Variants in NFX1 observed in about 807,000 individuals in gnomAD.
The protein encoded by NFX1 is transcriptional repressor NF-X1.
In NFX1, 69 loss-of-function variants were observed where a neutral mutation model predicts 137.2. The observed-to-expected ratio is 0.50, with a 90% confidence interval of 0.41 to 0.61. The LOEUF is 0.61. NFX1 is among the 20% of genes least tolerant of loss of function. The pLI is 0.00. For missense variants in NFX1, 1,167 were observed against 1,391.0 expected (o/e 0.84, Z 2.56); for synonymous variants, 495 against 474.1 (o/e 1.04, Z -0.57).
At chr9:33,322,687 CCACCCAG>C (rs1415139036) in intron 9 of NFX1, among the ~76,000 whole-genome samples, 6 of 152,152 alleles carry the variant, frequency 3.9e-5, no homozygotes, top group African/African-American at 1.4e-4. Flanking sequence ...GGCTACTATC[CCACCCAG>C]CACCCAGAGT....
In NFX1 at chr9:33,347,074, C is replaced by T. The variant is rs1823449659; in HGVS notation, c.2381C>T (p.Pro794Leu). 4 of 1,613,508 alleles carry T rather than the reference C, an allele frequency of 2.5e-6. No homozygotes were observed. The highest frequency in any genetic ancestry group is 1.3e-5 in the African/African-American group (1 of 74,914). Residue 794 changes from proline (P) to leucine (L), a missense_variant, in exon 15 of 24, where the codon CCT becomes CTT. Physicochemically the swap from Pro to Leu is moderately conservative, Grantham distance 98. Transcript: ENST00000379540. Reference sequence around the variant, plus strand: ...TGTCATAGTGAGGAGAAGTGTCCCCCTTGCACTTTCCTAACTCAGAAGTGG... The same window carrying T: ...TGTCATAGTGAGGAGAAGTGTCCCCTTTGCACTTTCCTAACTCAGAAGTGG... ...HSCHSEEKCP[P>L]CTFLTQKWCM...
At chr9:33,345,265 T>C (rs1384925068) in intron 14 of NFX1, among the ~76,000 whole-genome samples, 1 of 151,952 alleles carries the variant, frequency 6.6e-6, no homozygotes, top group African/African-American at 2.4e-5. Context: ...TCACCTGAGG[T>C]CAGGAGGTTG....
At chr9:33,355,408 A>G (rs1005936834) in intron 19 of NFX1, among the ~76,000 whole-genome samples, 3 of 152,154 alleles carry the variant, frequency 2.0e-5, no homozygotes, top group Non-Finnish European at 4.4e-5. Flanking sequence ...TTCTCTTTAG[A>G]TTAGTTTTTG....
chr9:33,317,006 T>TCATCTTTA (rs1215464511), intron 7 of NFX1, among the ~76,000 whole-genome samples: 2 of 152,212 alleles, frequency 1.3e-5, no homozygotes, highest in Admixed American at 1.3e-4. Flanking sequence ...GCTTCCAGTT[T>TCATCTTTA]CCAGGGTTTC....
chr9:33,353,424 T>TTA lies in NFX1; in HGVS notation c.2730-648_2730-647dup, dbSNP rs146161975. Among the ~76,000 whole-genome samples, 242 of 150,866 alleles carry TTA rather than the reference T, an allele frequency of 1.6e-3. 2 individuals are homozygous for TTA. The highest frequency in any genetic ancestry group is 3.9e-3 in the African/African-American group (159 of 41,174). ...GATGGAGGTGTTAGAGAATGAATGG[T>TTA]TATATATATATATATCTGGTTAGAT... On this transcript the variant is annotated intron_variant, in intron 17 of 23. Coordinates refer to ENST00000379540, the MANE Select transcript of NFX1 (RefSeq NM_002504.6).
intron 15 of NFX1, among the ~76,000 whole-genome samples, chr9:33,349,149 T>C (rs980039677): frequency 2.0e-5 from 3 of 152,318 alleles, no homozygotes; most frequent in African/African-American, 4.8e-5. Flanking sequence ...TCAACAGATA[T>C]CGAGTATGAG....
chr9:33,341,361 C>A (rs1256551710), intron 12 of NFX1, among the ~76,000 whole-genome samples: 1 of 152,028 alleles, frequency 6.6e-6, no homozygotes, highest in Middle Eastern at 3.2e-3. Context: ...ACGGGAAAGA[C>A]CTCCCCCACC....
intron 7 of NFX1, among the ~76,000 whole-genome samples, chr9:33,315,094 C>T (rs1308462653): frequency 6.6e-6 from 1 of 151,914 alleles, no homozygotes; most frequent in Non-Finnish European, 1.5e-5. Flanking sequence ...GGCGTGTTGG[C>T]GGGCGCCGGT....
Position 33,323,537 on chromosome 9 carries a change from G to A in NFX1, c.1906+4410G>A, listed in dbSNP as rs371462577. 7.8e-4 allele frequency among the ~76,000 whole-genome samples: 119 copies of A among 151,728 alleles called. 3 individuals carry two copies. The highest frequency in any genetic ancestry group is 2.7e-3 in the African/African-American group (113 of 41,370). On this transcript the variant is annotated intron_variant, in intron 9 of 23. Coordinates refer to ENST00000379540, the MANE Select transcript of NFX1 (RefSeq NM_002504.6). The stretch of plus-strand genomic sequence containing the variant: ...TGGGAGGCTGAGGCAGGAGGATCAC[G>A]AGGTCAGGAGTTCAAGACCAGCCTG...
chr9:33,334,523 T>TA (rs890431023), intron 11 of NFX1, among the ~76,000 whole-genome samples: 6 of 151,524 alleles, frequency 4.0e-5, no homozygotes, highest in Admixed American at 6.6e-5. Context: ...TTATGAAGTT[T>TA]AAAAAAAAAT....
At position 33,295,066 on chromosome 9, in the gene NFX1, A is replaced by T; in HGVS notation, c.672A>T (p.Arg224Ser). 6.2e-7 allele frequency: 1 copy of T among 1,614,124 alleles called. No homozygotes were observed. The highest frequency in any genetic ancestry group is 1.1e-5 in the South Asian group (1 of 91,076). Residue 224 changes from arginine to serine, a missense_variant, in exon 2 of 24, where the codon AGA becomes AGT. Transcript: ENST00000379540. Reference protein sequence around the residue: ...FHPDSSEASSRKGVLDGYGAR... With the variant: ...FHPDSSEASSSKGVLDGYGAR... Reference sequence around the variant, plus strand: ...CTGACTCTTCAGAGGCATCCTCTAGAAAAGGAGTATTGGATGGGTATGGAG... The same window carrying T: ...CTGACTCTTCAGAGGCATCCTCTAGTAAAGGAGTATTGGATGGGTATGGAG...
At chr9:33,295,909 G>A (rs1330088877) in intron 2 of NFX1, among the ~76,000 whole-genome samples, 1 of 152,166 alleles carries the variant, frequency 6.6e-6, no homozygotes, top group Non-Finnish European at 1.5e-5. Flanking sequence ...CAGCATCAGA[G>A]AGCAATCTTT....
intron 14 of NFX1, among the ~76,000 whole-genome samples, chr9:33,344,592 C>T (rs1205694203): frequency 6.6e-6 from 1 of 152,248 alleles, no homozygotes; most frequent in South Asian, 2.1e-4. Context: ...CAGGGCCAGG[C>T]GCAGTGGCTC....
intron 12 of NFX1, among the ~76,000 whole-genome samples, chr9:33,341,462 G>GTATA (rs751787511): frequency 6.6e-6 from 1 of 151,908 alleles, no homozygotes; most frequent in Non-Finnish European, 1.5e-5. Context: ...CTGTATCAGT[G>GTATA]TATATATATA....
rs540737765 is a variant in NFX1 at position 33,336,349 on chromosome 9, G to T, written c.2036-2161G>T. On this transcript the variant is annotated intron_variant, in intron 11 of 23. Transcript: ENST00000379540. The stretch of plus-strand genomic sequence containing the variant: ...ACCTGCCTCAGCCTCCCGAGTAGCT[G>T]GGATTACAGGTGCCCGCCACCGCGC... Among the ~76,000 whole-genome samples the T allele has an allele frequency of 2.0e-5, 3 of 152,242 alleles. No individual in the cohort carries two copies. The East Asian group carries it at 5.8e-4, about 29-fold the overall frequency.
rs565334504 is a variant in NFX1, at chr9:33,332,023, G to A, written c.2005-449G>A. Among the ~76,000 whole-genome samples the A allele has an allele frequency of 3.9e-5, 6 of 152,352 alleles. No homozygotes were observed. In the East Asian group the frequency reaches 1.2e-3, roughly 29 times the overall value. On this transcript the variant is annotated intron_variant, in intron 10 of 23. Transcript: ENST00000379540. Reference sequence around the variant, plus strand: ...CTGTAGTTTTGTGATATTATCAGGTGTGCTCTGAAGTGTGTAGAGCCGTTT... The same window carrying A: ...CTGTAGTTTTGTGATATTATCAGGTATGCTCTGAAGTGTGTAGAGCCGTTT...
At chr9:33,345,862 C>T (rs1823403271) in intron 14 of NFX1, among the ~76,000 whole-genome samples, 1 of 152,186 alleles carries the variant, frequency 6.6e-6, no homozygotes, top group African/African-American at 2.4e-5. Flanking sequence ...CATTTGACAT[C>T]ACTCAATTTC....
chr9:33,350,855 T>A (rs191590753), intron 15 of NFX1, among the ~76,000 whole-genome samples: 3 of 152,264 alleles, frequency 2.0e-5, no homozygotes, highest in Admixed American at 6.5e-5. Flanking sequence ...ATCCTTATTT[T>A]AAAAACTGAG....
intron 23 of NFX1, among the ~76,000 whole-genome samples, chr9:33,368,668 G>C (rs757410034): frequency 2.0e-5 from 3 of 152,220 alleles, no homozygotes; most frequent in African/African-American, 4.8e-5. Flanking sequence ...CAGAAGGAGA[G>C]GGGTGCCTAC....
Sources: gnomAD v4.1 joint callset for allele counts (sites outside exome capture counted in the v4.1 genomes callset) on GRCh38, gnomAD v4.1.1 for gene constraint, MANE v1.5 for transcripts, NCBI Gene and HGNC (gene_info 2026-07-23, HGNC 2026-07-21) for gene names.